The following NAV2 variants were observed in gnomAD, a reference collection of about 807,000 sequenced individuals.
The protein encoded by NAV2 is neuron navigator 2.
NAV2 carries 54 observed loss-of-function variants against 223.2 expected under a neutral mutation model. The observed-to-expected ratio is 0.24, with a 90% CI of 0.19 to 0.30. NAV2 has a LOEUF of 0.30. Among genes scored for constraint, NAV2 ranks in the 10% least tolerant of loss-of-function variants. The pLI is 1.00. For synonymous variants in NAV2, 1,279 were observed against 1,239.3 expected (o/e 1.03, Z -0.67); for missense variants, 2,806 against 3,147.5 (o/e 0.89, Z 2.60).
intron 1 of NAV2, among the ~76,000 whole-genome samples, chr11:19,449,805 C>T (rs1157847040): frequency 6.6e-6 from 1 of 152,148 alleles, no homozygotes; most frequent in Non-Finnish European, 1.5e-5. Flanking sequence ...CTAAAAACAA[C>T]AACTGTGGAC....
intron 28 of NAV2, among the ~76,000 whole-genome samples, chr11:20,092,842 T>C (rs1215750616): frequency 6.6e-6 from 1 of 152,134 alleles, no homozygotes; most frequent in East Asian, 1.9e-4. Context: ...GCTGCTGCTG[T>C]TGTTGTTTTG....
intron 1 of NAV2, among the ~76,000 whole-genome samples, chr11:19,739,413 G>T (rs2052604930): frequency 6.6e-6 from 1 of 152,158 alleles, no homozygotes; most frequent in Non-Finnish European, 1.5e-5. Flanking sequence ...AGGTCACACA[G>T]GAAATGACAG....
rs557209690 is a variant in NAV2, at chr11:19,927,439, G to C, written c.932-5737G>C. On this transcript the variant is annotated intron_variant, in intron 6 of 37. Transcript: ENST00000349880. Reference sequence around the variant, plus strand: ...TCTACTAAGAATACAAAAATTAGCCGGGCATGGTGGCAGGAACCTGTAATC... The same window carrying C: ...TCTACTAAGAATACAAAAATTAGCCCGGCATGGTGGCAGGAACCTGTAATC... Among the ~76,000 whole-genome samples the C allele has an allele frequency of 2.6e-5, 4 of 152,278 alleles. No individual in the cohort carries two copies. In the East Asian group the frequency reaches 7.7e-4, roughly 29 times the overall value.
intron 1 of NAV2, among the ~76,000 whole-genome samples, chr11:19,366,156 G>A (rs1038527517): frequency 1.3e-5 from 2 of 152,214 alleles, no homozygotes; most frequent in East Asian, 3.8e-4. Context: ...CCCTGAGCCA[G>A]CATGATGGGC....
At chr11:19,404,738 C>T (rs1849823609) in intron 1 of NAV2, among the ~76,000 whole-genome samples, 1 of 152,212 alleles carries the variant, frequency 6.6e-6, no homozygotes, top group Admixed American at 6.5e-5. Context: ...GATCACAACC[C>T]AAGAGCTCAG....
intron 1 of NAV2, among the ~76,000 whole-genome samples, chr11:19,727,368 C>T (rs892685002): frequency 6.6e-6 from 1 of 152,190 alleles, no homozygotes; most frequent in Non-Finnish European, 1.5e-5. Flanking sequence ...TGAATAGAAA[C>T]CAACTCCCAC....
intron 11 of NAV2, among the ~76,000 whole-genome samples, chr11:20,005,338 C>T (rs908891404): frequency 3.3e-5 from 5 of 150,808 alleles, no homozygotes; most frequent in Admixed American, 6.6e-5. Flanking sequence ...CTCTGCTTCC[C>T]GGGTTCAAGC....
chr11:19,845,330 C>A (rs1217246766), intron 3 of NAV2, among the ~76,000 whole-genome samples: 1 of 152,038 alleles, frequency 6.6e-6, no homozygotes, highest in Non-Finnish European at 1.5e-5. Context: ...CTAAATATTG[C>A]CTGTTTGGAG....
At chr11:19,357,649 G>A (rs1396495760) in intron 1 of NAV2, among the ~76,000 whole-genome samples, 1 of 152,154 alleles carries the variant, frequency 6.6e-6, no homozygotes, top group Non-Finnish European at 1.5e-5. Flanking sequence ...TTTCCTTTTG[G>A]TTAACTGAAG....
intron 1 of NAV2, among the ~76,000 whole-genome samples, chr11:19,727,906 G>A (rs1262093141): frequency 3.3e-5 from 5 of 152,202 alleles, no homozygotes; most frequent in Non-Finnish European, 7.3e-5. Context: ...AGTAGAGGAT[G>A]CTGTGGAGCA....
intron 3 of NAV2, among the ~76,000 whole-genome samples, chr11:19,857,986 C>T (rs571777744): frequency 3.3e-5 from 5 of 152,180 alleles, no homozygotes; most frequent in South Asian, 4.2e-4. Context: ...CCTCCCAAGT[C>T]GCTGGGACTA....
At chr11:19,365,680 C>T (rs4550204) in intron 1 of NAV2, among the ~76,000 whole-genome samples, 2 of 152,172 alleles carry the variant, frequency 1.3e-5, no homozygotes, top group East Asian at 1.9e-4. Context: ...GATTTGTTTT[C>T]TACCCTTCAG....
At chr11:19,874,246 A>G (rs1413978202) in intron 4 of NAV2, among the ~76,000 whole-genome samples, 2 of 152,226 alleles carry the variant, frequency 1.3e-5, no homozygotes, top group Non-Finnish European at 2.9e-5. Flanking sequence ...CAGAACCCAA[A>G]GAAAGTGGAG....
intron 1 of NAV2, among the ~76,000 whole-genome samples, chr11:19,436,594 T>G (rs1023708954): frequency 1.7e-4 from 26 of 152,198 alleles, no homozygotes; most frequent in African/African-American, 6.0e-4. Context: ...ATTTTAGGAT[T>G]GTTTTTCCTA....
rs571040176 is a variant in NAV2 at position 19,707,696 on chromosome 11, T to A, written c.76-124788T>A. On this transcript the variant is annotated intron_variant, in intron 1 of 37. Coordinates refer to the NAV2 transcript ENST00000360655. The stretch of plus-strand genomic sequence containing the variant: ...AATACATGAACCCATAACATAGTAA[T>A]TTGTTATCAAGTATTTATCATCAAC... Among the ~76,000 whole-genome samples, 3 of 152,332 alleles carry A rather than the reference T, an allele frequency of 2.0e-5. No homozygotes were observed. The East Asian group carries it at 5.8e-4, about 29-fold the overall frequency.
At chr11:19,541,434 T>C (rs1229610365) in intron 1 of NAV2, among the ~76,000 whole-genome samples, 2 of 152,228 alleles carry the variant, frequency 1.3e-5, no homozygotes, top group African/African-American at 2.4e-5. Context: ...AGTTTTAATA[T>C]AGATGAAGGC....
chr11:19,522,482 A>G (rs548539376), intron 1 of NAV2, among the ~76,000 whole-genome samples: 2 of 152,298 alleles, frequency 1.3e-5, no homozygotes, highest in South Asian at 4.1e-4. Context: ...GTAAGGGGCC[A>G]GCAACAGTGA....
intron 1 of NAV2, among the ~76,000 whole-genome samples, chr11:19,657,701 AC>A (rs1194685167): frequency 6.6e-6 from 1 of 152,118 alleles, no homozygotes; most frequent in Non-Finnish European, 1.5e-5. Flanking sequence ...CACCCTCCAA[AC>A]GAAGATCATC....
At chr11:20,055,727 A>T in intron 18 of NAV2, 42 bp from the exon 19 acceptor site, 1 of 1,567,486 alleles carries the variant, frequency 6.4e-7, no homozygotes, top group Non-Finnish European at 8.7e-7. Flanking sequence ...TTGAACAGAG[A>T]CATGAATGTC....
Sources: allele counts gnomAD v4.1 joint callset (sites outside exome capture counted in the v4.1 genomes callset), GRCh38; gene constraint gnomAD v4.1.1; transcripts MANE v1.5; gene names NCBI Gene and HGNC (gene_info 2026-07-23, HGNC 2026-07-21).